Variants in COLQ observed in about 807,000 individuals in gnomAD.
The protein encoded by COLQ is collagen like tail subunit of asymmetric acetylcholinesterase, also known as acetylcholinesterase collagenic tail peptide.
In COLQ, 48 loss-of-function variants were observed where a neutral mutation model predicts 69.0. That is an observed-to-expected ratio of 0.70 (90% CI 0.55 to 0.88). COLQ has a LOEUF of 0.88. COLQ is among the 40% of genes least tolerant of loss of function. The pLI, the probability that COLQ is intolerant of heterozygous loss-of-function variation, is 0.00. For missense variants in COLQ, 618 were observed against 594.6 expected (o/e 1.04, Z -0.41); for synonymous variants, 217 against 211.2 (o/e 1.03, Z -0.24).
intron 8 of COLQ, 136 bp from the exon 9 acceptor site, chr3:15,474,408 C>G: frequency 2.2e-6 from 2 of 907,798 alleles, no homozygotes. Context: ...TGTCAGGTGA[C>G]TTCTCCAGGG....
chr3:15,503,473 G>T (rs1168074112), intron 1 of COLQ, among the ~76,000 whole-genome samples: 1 of 152,204 alleles, frequency 6.6e-6, no homozygotes, highest in African/African-American at 2.4e-5. Context: ...CAGAATGGAG[G>T]TGCACTGCCC....
intron 9 of COLQ, 58 bp downstream of exon 9, chr3:15,474,170 T>TG (rs1425437067): frequency 1.6e-5 from 26 of 1,604,140 alleles, no homozygotes; most frequent in African/African-American, 2.7e-5. Flanking sequence ...TGGGGGTGGG[T>TG]GGGGGCTGCT....
chr3:15,472,009 G>C (rs1253103162), intron 10 of COLQ, among the ~76,000 whole-genome samples: 7 of 151,568 alleles, frequency 4.6e-5, no homozygotes. Flanking sequence ...AGGAAGTGTG[G>C]CCCTTCTCTA....
chr3:15,487,198 T>C (rs939497006), intron 3 of COLQ, among the ~76,000 whole-genome samples: 3 of 152,196 alleles, frequency 2.0e-5, no homozygotes, highest in African/African-American at 7.2e-5. Flanking sequence ...GAGTGGGTGG[T>C]AGAAGAAGGC....
At chr3:15,519,713 C>G (rs187779995) in intron 1 of COLQ, among the ~76,000 whole-genome samples, 1 of 152,148 alleles carries the variant, frequency 6.6e-6, no homozygotes, top group African/African-American at 2.4e-5. Flanking sequence ...AAAAAGCTTA[C>G]CTAAGAGATA....
At chr3:15,519,447 G>A (rs1010557672) in intron 1 of COLQ, among the ~76,000 whole-genome samples, 1 of 152,208 alleles carries the variant, frequency 6.6e-6, no homozygotes, top group Non-Finnish European at 1.5e-5. Context: ...CATGACCAAT[G>A]CTCTTGCTTA....
chr3:15,511,008 C>T (rs1575496902), intron 1 of COLQ, among the ~76,000 whole-genome samples: 1 of 152,134 alleles, frequency 6.6e-6, no homozygotes, highest in East Asian at 1.9e-4. Flanking sequence ...GTTCTCAGTG[C>T]CAATGCTCAG....
rs115797710 is a variant in COLQ at position 15,493,526 on chromosome 3, C to T, written c.107-3889G>A. On this transcript the variant is annotated intron_variant, in intron 1 of 16. Transcript: ENST00000383788. ...CGTCTTCACGCCCATCTCTCCATGA[C>T]GGCTGACCCAGTCTTGCCTCACCTC... is the stretch of plus-strand genomic sequence containing the variant. Among the ~76,000 whole-genome samples the T allele has an allele frequency of 7.4e-3, 1,122 of 152,384 alleles. 6 individuals are homozygous for T. Among genetic ancestry groups the T allele is most frequent in the Non-Finnish European group, 0.012 (836 of 68,042 alleles).
intron 12 of COLQ, 132 bp from the exon 13 acceptor site, chr3:15,458,457 G>A (rs1185413724): frequency 1.0e-6 from 1 of 973,266 alleles, no homozygotes; most frequent in African/African-American, 1.6e-5. Context: ...CTGAGGGAGA[G>A]GTTCAAAGAG....
intron 1 of COLQ, among the ~76,000 whole-genome samples, chr3:15,494,895 G>A (rs2062723660): frequency 6.6e-6 from 1 of 152,076 alleles, no homozygotes; most frequent in African/African-American, 2.4e-5. Context: ...CACATGCAAG[G>A]CACCATTTAA....
At chr3:15,453,805 G>A (rs2061984192) in intron 16 of COLQ, 24 bp downstream of exon 16, 1 of 1,448,734 alleles carries the variant, frequency 6.9e-7, no homozygotes. Flanking sequence ...AAGGGGGAGA[G>A]GGAGGGAGGG....
intron 1 of COLQ, among the ~76,000 whole-genome samples, chr3:15,494,698 T>C (rs2062720126): frequency 1.3e-5 from 2 of 152,182 alleles, no homozygotes; most frequent in Admixed American, 6.5e-5. Flanking sequence ...GTGGCCCTGC[T>C]GTTTTTCTCT....
chr3:15,467,723 A>C (rs2062220379), intron 11 of COLQ: 1 of 382,994 alleles, frequency 2.6e-6, no homozygotes, highest in Non-Finnish European at 5.2e-6. Context: ...GCCATTTTTG[A>C]CCTGGTTCTT....
At chr3:15,482,762 T>C (rs188150368) in intron 3 of COLQ, among the ~76,000 whole-genome samples, 251 of 152,354 alleles carry the variant, frequency 1.6e-3, no homozygotes, top group Non-Finnish European at 2.3e-3. Flanking sequence ...TTTCTGTTGA[T>C]TGGAATCGTT....
chr3:15,508,719 C>T (rs1320114935), intron 1 of COLQ, among the ~76,000 whole-genome samples: 2 of 152,056 alleles, frequency 1.3e-5, no homozygotes, highest in Non-Finnish European at 2.9e-5. Flanking sequence ...CACACCTTCA[C>T]CAACAGTCTG....
chr3:15,453,004 T>A lies in COLQ; in HGVS notation c.1298+825A>T, dbSNP rs145365844. 3.5e-4 allele frequency among the ~76,000 whole-genome samples: 53 copies of A among 152,162 alleles called. No homozygotes were observed. In the East Asian group the frequency reaches 9.5e-3, roughly 27 times the overall value. The stretch of plus-strand genomic sequence containing the variant: ...AGAAGAGATCGGAAGCACCAGTAGA[T>A]CCACTCTGGAACCCAGTGAAGAGCA... On this transcript the variant is annotated intron_variant, in intron 16 of 16. Transcript: ENST00000383788.
At chr3:15,513,935 GC>G (rs1490732458) in intron 1 of COLQ, among the ~76,000 whole-genome samples, 1 of 152,172 alleles carries the variant, frequency 6.6e-6, no homozygotes, top group African/African-American at 2.4e-5. Flanking sequence ...TACTTGGGTG[GC>G]CCCTAAATAC....
In COLQ at chr3:15,474,026, C is replaced by T. The variant is rs374783562; in HGVS notation, c.610G>A (p.Gly204Arg). ...TTCTGCCCCAACATTCCAGGAAATCCTGGGAAACCCTGTGAAAAGAGCAAC... is the reference window on the plus strand; with the variant it reads ...TTCTGCCCCAACATTCCAGGAAATCTTGGGAAACCCTGTGAAAAGAGCAAC... ...LGPKGEKGFP[G>R]FPGMLGQKGE... is the part of the protein sequence containing the mutation. The change falls in exon 10 of 17, where the codon GGA becomes AGA. Residue 204 changes from glycine to arginine, a missense_variant. Transcript: ENST00000383788. 2.0e-5 allele frequency: 32 copies of T among 1,614,012 alleles called. No individual in the cohort carries two copies. Among genetic ancestry groups the T allele is most frequent in the Non-Finnish European group, 2.3e-5 (27 of 1,180,000 alleles).
chr3:15,453,682 G>A (rs532610252), intron 16 of COLQ, 147 bp downstream of exon 16: 4 of 681,292 alleles, frequency 5.9e-6, no homozygotes, highest in Middle Eastern at 3.6e-4. Context: ...CAGGGAGCAC[G>A]TGTTGTGTCA....
Sources: allele counts gnomAD v4.1 joint callset (sites outside exome capture counted in the v4.1 genomes callset), GRCh38; gene constraint gnomAD v4.1.1; transcripts MANE v1.5; gene names NCBI Gene and HGNC (gene_info 2026-07-23, HGNC 2026-07-21).